The following IMPG1 variants were observed in gnomAD, a reference collection of about 807,000 sequenced individuals.
The protein encoded by IMPG1 is interphotoreceptor matrix proteoglycan of 150 kDa.
A neutral mutation model predicts 92.0 loss-of-function variants in IMPG1; 85 were observed. That is an observed-to-expected ratio of 0.92 (90% CI 0.78 to 1.11). The LOEUF is 1.11. IMPG1 is among the 50% of genes least tolerant of loss of function. The probability of loss-of-function intolerance (pLI) is 0.00; values close to 1 mark genes in which losing one functional copy is unlikely to be tolerated. For missense variants in IMPG1, 1,022 were observed against 956.0 expected (o/e 1.07, Z -0.91); for synonymous variants, 367 against 334.1 (o/e 1.10, Z -1.08).
rs1477374214 is a variant in IMPG1, at chr6:75,968,482, TTTATC to T, written c.1292-17393_1292-17389del. On this transcript the variant is annotated intron_variant, in intron 12 of 16. Coordinates refer to ENST00000369950, the MANE Select transcript of IMPG1 (RefSeq NM_001563.4). Reference sequence around the variant, plus strand: ...TTGTGAAGATACTTCTATCTATCCTTTTATCTTTTAAAATGCTAAATACCTCTTTC... The same window carrying T: ...TTGTGAAGATACTTCTATCTATCCTTTTTTAAAATGCTAAATACCTCTTTC... 7.9e-5 allele frequency among the ~76,000 whole-genome samples: 12 copies of T among 151,974 alleles called. No homozygotes were observed. In the South Asian group the frequency reaches 2.3e-3, roughly 29 times the overall value.
intron 12 of IMPG1, among the ~76,000 whole-genome samples, chr6:75,959,006 T>G (rs1245619218): frequency 1.3e-5 from 2 of 152,212 alleles, no homozygotes; most frequent in African/African-American, 4.8e-5. Context: ...TTCCTCATCT[T>G]TGTGGATTTA....
At chr6:75,990,889 T>TA (rs745435882) in intron 12 of IMPG1, among the ~76,000 whole-genome samples, 25 of 152,312 alleles carry the variant, frequency 1.6e-4, no homozygotes, top group Admixed American at 9.8e-4. Context: ...ATATTCTTTT[T>TA]ATTTCTACCT....
In IMPG1 at chr6:76,025,193, C is replaced by T. The variant is rs539937541; in HGVS notation, c.562+1G>A. On this transcript the variant is annotated splice_donor_variant, in intron 5 of 16. Coordinates refer to ENST00000369950, the MANE Select transcript of IMPG1 (RefSeq NM_001563.4). LOFTEE classifies it high-confidence loss of function. Reference sequence around the variant, plus strand: ...AGCAAAGAAATTAGATCTAAGCTTACCTGTTGAAATGACAATGGTTTCACC... The same window carrying T: ...AGCAAAGAAATTAGATCTAAGCTTATCTGTTGAAATGACAATGGTTTCACC... 10 of 1,575,746 alleles carry T rather than the reference C, an allele frequency of 6.3e-6. No homozygotes were observed. The highest frequency in any genetic ancestry group is 1.1e-5 in the South Asian group (1 of 89,470).
chr6:76,053,870 A>G (rs1035593960), intron 1 of IMPG1, among the ~76,000 whole-genome samples: 2 of 152,118 alleles, frequency 1.3e-5, no homozygotes, highest in African/African-American at 4.8e-5. Flanking sequence ...AATTGCATAT[A>G]TATAGATTGT....
intron 1 of IMPG1, among the ~76,000 whole-genome samples, chr6:76,068,844 G>A (rs1447482593): frequency 3.3e-5 from 5 of 151,666 alleles, no homozygotes; most frequent in African/African-American, 4.8e-5. Context: ...AACAATCCCC[G>A]AATTCAATGC....
In IMPG1 at chr6:75,922,051, T is replaced by G; in HGVS notation, c.*38A>C. 5 of 931,454 alleles carry G rather than the reference T, an allele frequency of 5.4e-6. No individual in the cohort carries two copies. Among genetic ancestry groups the G allele is most frequent in the Non-Finnish European group, 8.6e-6 (5 of 582,370 alleles). 57.7% of individuals were successfully genotyped at this position (931,454 alleles called of 1,614,324 possible). ...TCCTTGAGAAGGCAAATCATCTCTCTTGAGATAGCCTAAATGATAATTGTA... is the reference window on the plus strand; with the variant it reads ...TCCTTGAGAAGGCAAATCATCTCTCGTGAGATAGCCTAAATGATAATTGTA... On this transcript the variant is annotated 3_prime_UTR_variant, in exon 17 of 17. Transcript: ENST00000369950.
intron 3 of IMPG1, 64 bp from the exon 4 acceptor site, chr6:76,034,407 T>C: frequency 1.4e-6 from 2 of 1,443,422 alleles, no homozygotes; most frequent in Non-Finnish European, 1.9e-6. Context: ...AGAGTTAAAG[T>C]CAATTTTCAT....
At chr6:76,004,631 G>A (rs933369460) in intron 10 of IMPG1, among the ~76,000 whole-genome samples, 4 of 152,124 alleles carry the variant, frequency 2.6e-5, no homozygotes, top group Non-Finnish European at 4.4e-5. Context: ...ACTGCCCTCT[G>A]AGGATCCTAA....
intron 1 of IMPG1, among the ~76,000 whole-genome samples, chr6:76,057,098 G>A (rs1784132104): frequency 6.6e-6 from 1 of 152,102 alleles, no homozygotes; most frequent in Non-Finnish European, 1.5e-5. Context: ...TAAATGATGA[G>A]AACACATGGA....
At chr6:75,988,073 G>A (rs931583304) in intron 12 of IMPG1, among the ~76,000 whole-genome samples, 3 of 152,134 alleles carry the variant, frequency 2.0e-5, no homozygotes, top group Non-Finnish European at 4.4e-5. Flanking sequence ...ATAGTGCCAC[G>A]ATAAACATAT....
Position 75,930,876 on chromosome 6 carries a change from AT to A in IMPG1, c.2243+76del, listed in dbSNP as rs1488937585. On this transcript the variant is annotated intron_variant, in intron 15 of 16. Coordinates refer to ENST00000369950, the MANE Select transcript of IMPG1 (RefSeq NM_001563.4). ...ACCATGGGTTGAAAGGACCATATGA[AT>A]TTACTCTAATGATGGGTTTCTCAGA... 29 of 1,303,502 alleles carry A rather than the reference AT, an allele frequency of 2.2e-5. No individual in the cohort carries two copies. In the African/African-American group the frequency reaches 3.7e-4, roughly 16 times the overall value. 80.7% of individuals were successfully genotyped at this position (1,303,502 alleles called of 1,614,324 possible). A position where few individuals can be genotyped will look rare whatever the true frequency, so the allele number is the denominator to read the frequency against.
Position 75,921,889 on chromosome 6 carries a change from G to GAAAAAGACACTTACTTAT in IMPG1, c.*199_*200insATAAGTAAGTGTCTTTTT. The GAAAAAGACACTTACTTAT allele has an allele frequency of 2.4e-6, 1 of 418,462 alleles. No homozygotes were observed. Among genetic ancestry groups the GAAAAAGACACTTACTTAT allele is most frequent in the East Asian group, 4.3e-5 (1 of 23,192 alleles). The allele number at this position is 418,462 out of a possible 1,614,324, so 25.9% of individuals were successfully genotyped here. Reference sequence around the variant, plus strand: ...ATTGCATTTGGGGTTTTAATAATAAGTAAGTGTCTTTTTCTTCAGAATTTA... The same window carrying GAAAAAGACACTTACTTAT: ...ATTGCATTTGGGGTTTTAATAATAAGAAAAAGACACTTACTTATTAAGTGTCTTTTTCTTCAGAATTTA... On this transcript the variant is annotated 3_prime_UTR_variant, in exon 17 of 17. Coordinates refer to ENST00000369950, the MANE Select transcript of IMPG1 (RefSeq NM_001563.4).
At chr6:75,925,427 C>G (rs956219648) in intron 15 of IMPG1, among the ~76,000 whole-genome samples, 1 of 151,926 alleles carries the variant, frequency 6.6e-6, no homozygotes, top group Non-Finnish European at 1.5e-5. Context: ...TTTTCTTTCT[C>G]TCAACATCAA....
chr6:75,959,980 C>G (rs1184021046), intron 12 of IMPG1, among the ~76,000 whole-genome samples: 1 of 152,186 alleles, frequency 6.6e-6, no homozygotes, highest in African/African-American at 2.4e-5. Flanking sequence ...GCTTGAAACC[C>G]AGGGCCCTGG....
chr6:75,976,975 G>C (rs982389652), intron 12 of IMPG1, among the ~76,000 whole-genome samples: 3 of 151,878 alleles, frequency 2.0e-5, no homozygotes, highest in African/African-American at 7.3e-5. Context: ...GACCTCAGGA[G>C]AGGGCCTTGA....
At chr6:75,981,417 A>G (rs1782625522) in intron 12 of IMPG1, among the ~76,000 whole-genome samples, 1 of 152,240 alleles carries the variant, frequency 6.6e-6, no homozygotes, top group Non-Finnish European at 1.5e-5. Context: ...TGCATTTTAC[A>G]TCAAGGAGTG....
intron 12 of IMPG1, among the ~76,000 whole-genome samples, chr6:75,980,149 ATG>A (rs1249563239): frequency 6.6e-6 from 1 of 152,218 alleles, no homozygotes; most frequent in Non-Finnish European, 1.5e-5. Flanking sequence ...GTGCCACAAA[ATG>A]TGAAAATTTG....
At chr6:76,050,745 C>T (rs1582130934) in intron 1 of IMPG1, among the ~76,000 whole-genome samples, 1 of 152,186 alleles carries the variant, frequency 6.6e-6, no homozygotes, top group Non-Finnish European at 1.5e-5. Context: ...CAAGTGGATA[C>T]TTACCAACCT....
intron 2 of IMPG1, among the ~76,000 whole-genome samples, chr6:76,039,730 G>A (rs1221677481): frequency 2.0e-5 from 3 of 152,148 alleles, no homozygotes; most frequent in South Asian, 2.1e-4. Context: ...GTGAGGTGAC[G>A]GGGATCTGAA....
Sources: allele counts gnomAD v4.1 joint callset (sites outside exome capture counted in the v4.1 genomes callset), GRCh38; gene constraint gnomAD v4.1.1; transcripts MANE v1.5; gene names NCBI Gene and HGNC (gene_info 2026-07-23, HGNC 2026-07-21).